TBC1D8: variants seen among roughly 807,000 people sequenced by gnomAD.
TBC1D8 encodes the protein BUB2-like protein 1.
A neutral mutation model predicts 118.8 loss-of-function variants in TBC1D8; 65 were observed. The observed-to-expected ratio is 0.55, with a 90% CI of 0.45 to 0.67. The LOEUF (loss-of-function observed/expected upper bound fraction) is 0.67, where lower values mean the gene tolerates loss of function less well. Among genes scored for constraint, TBC1D8 ranks in the 30% least tolerant of loss-of-function variants. The probability of loss-of-function intolerance (pLI) is 0.00; values close to 1 mark genes in which losing one functional copy is unlikely to be tolerated. For synonymous variants in TBC1D8, 566 were observed against 595.8 expected, an observed-to-expected ratio of 0.95 and a Z score of 0.73; for missense variants, 1,376 against 1,471.2, an observed-to-expected ratio of 0.94 and a Z score of 1.06.
At chr2:101,033,325 G>A (rs1680785873) in intron 10 of TBC1D8, 2 of 648,022 alleles carry the variant, frequency 3.1e-6, no homozygotes, top group East Asian at 2.9e-5. Flanking sequence ...ATGTTGGCCA[G>A]GATGGTCTCG....
chr2:101,032,221 T>C (rs1265602605), intron 11 of TBC1D8, 47 bp downstream of exon 11: 2 of 1,544,376 alleles, frequency 1.3e-6, no homozygotes, highest in Admixed American at 3.5e-5. Context: ...GCCCAGGCTC[T>C]GTCACTCTTC....
intron 2 of TBC1D8, among the ~76,000 whole-genome samples, chr2:101,079,869 G>A (rs561424740): frequency 1.3e-5 from 2 of 151,740 alleles, no homozygotes; most frequent in African/African-American, 4.8e-5. Context: ...TGTATTTTTA[G>A]TAGAGACGGG....
rs561965473 is a variant in TBC1D8 at position 101,027,927 on chromosome 2, T to C, written c.2451+121A>G. Reference sequence around the variant, plus strand: ...CACTACTTCACCCTTAAGTTGTTAATGTAATCCAAAATATATATATACATT... The same window carrying C: ...CACTACTTCACCCTTAAGTTGTTAACGTAATCCAAAATATATATATACATT... On this transcript the variant is annotated intron_variant, in intron 14 of 19. Transcript: ENST00000409318. 1.4e-4 allele frequency: 126 copies of C among 869,296 alleles called. No individual in the cohort carries two copies. The African/African-American group carries it at 1.8e-3, about 12-fold the overall frequency. 53.8% of individuals were successfully genotyped at this position (869,296 alleles called of 1,614,324 possible). A position where few individuals can be genotyped will look rare whatever the true frequency, so the allele number is the denominator to read the frequency against.
chr2:101,072,952 A>G (rs74974915), intron 2 of TBC1D8, among the ~76,000 whole-genome samples: 2,135 of 152,290 alleles, frequency 0.014, 62 homozygotes, highest in African/African-American at 0.049. Flanking sequence ...AAGGGGACAA[A>G]ACACCCAAAT....
intron 5 of TBC1D8, among the ~76,000 whole-genome samples, chr2:101,048,933 CAG>C (rs972773332): frequency 2.0e-5 from 3 of 152,160 alleles, no homozygotes; most frequent in Non-Finnish European, 2.9e-5. Flanking sequence ...TAGCATGGGT[CAG>C]AATTTCCTTC....
chr2:101,016,418 G>T (rs992541999), intron 17 of TBC1D8, among the ~76,000 whole-genome samples: 9 of 152,164 alleles, frequency 5.9e-5, no homozygotes, highest in African/African-American at 1.9e-4. Flanking sequence ...AAAAAGTCAG[G>T]AAACAACAGG....
chr2:101,134,559 C>T (rs1041736704), intron 1 of TBC1D8, among the ~76,000 whole-genome samples: 2 of 152,090 alleles, frequency 1.3e-5, no homozygotes, highest in African/African-American at 4.8e-5. Flanking sequence ...TGAGGGTTCT[C>T]TTCTTGGCTT....
At chr2:101,098,379 C>CAA (rs56957208) in intron 1 of TBC1D8, among the ~76,000 whole-genome samples, 12 of 147,620 alleles carry the variant, frequency 8.1e-5, no homozygotes, top group East Asian at 4.0e-4. Context: ...AACTCCATCT[C>CAA]AAAAAAAAAA....
At chr2:101,057,834 C>T (rs1488317907) in intron 3 of TBC1D8, among the ~76,000 whole-genome samples, 2 of 152,126 alleles carry the variant, frequency 1.3e-5, no homozygotes, top group East Asian at 1.9e-4. Context: ...AAAAAAACAA[C>T]CAACAAAAAT....
intron 2 of TBC1D8, among the ~76,000 whole-genome samples, chr2:101,086,436 C>T (rs1277199227): frequency 6.6e-6 from 1 of 152,164 alleles, no homozygotes; most frequent in African/African-American, 2.4e-5. Flanking sequence ...AATCTGCAGA[C>T]TGCAACAGTA....
At chr2:101,106,246 T>C (rs1677205951) in intron 1 of TBC1D8, among the ~76,000 whole-genome samples, 2 of 152,208 alleles carry the variant, frequency 1.3e-5, no homozygotes, top group Admixed American at 6.5e-5. Flanking sequence ...AGGGGAATTT[T>C]AGGGCAGTGA....
chr2:101,104,651 C>T (rs1358930070), intron 1 of TBC1D8, among the ~76,000 whole-genome samples: 1 of 152,218 alleles, frequency 6.6e-6, no homozygotes, highest in African/African-American at 2.4e-5. Flanking sequence ...CAGACACAGA[C>T]CTTACATCTT....
intron 1 of TBC1D8, among the ~76,000 whole-genome samples, chr2:101,119,651 T>A (rs1370798169): frequency 6.6e-6 from 1 of 152,244 alleles, no homozygotes; most frequent in Non-Finnish European, 1.5e-5. Context: ...CATGACTCAC[T>A]GTGCAGCCAA....
At chr2:101,060,163 C>T (rs1682678884) in intron 2 of TBC1D8, among the ~76,000 whole-genome samples, 1 of 152,240 alleles carries the variant, frequency 6.6e-6, no homozygotes, top group South Asian at 2.1e-4. Context: ...ACCATCTCCA[C>T]TCAAATGACA....
intron 1 of TBC1D8, among the ~76,000 whole-genome samples, chr2:101,111,226 T>C (rs989842727): frequency 2.6e-5 from 4 of 152,224 alleles, no homozygotes; most frequent in Non-Finnish European, 4.4e-5. Context: ...TCACTCTTAA[T>C]GAGAGCTCTT....
chr2:101,044,874 G>C (rs1483982539), intron 5 of TBC1D8, among the ~76,000 whole-genome samples: 1 of 152,160 alleles, frequency 6.6e-6, no homozygotes, highest in Non-Finnish European at 1.5e-5. Context: ...TCAGCCTCCT[G>C]AGTAGCTGGG....
chr2:101,018,147 T>C, intron 17 of TBC1D8: 1 of 508,108 alleles, frequency 2.0e-6, no homozygotes, highest in Non-Finnish European at 3.6e-6. Context: ...CTTTCCCTCA[T>C]TCATACAGAT....
At chr2:101,138,466 G>A (rs866839165) in intron 1 of TBC1D8, among the ~76,000 whole-genome samples, 6 of 152,082 alleles carry the variant, frequency 3.9e-5, no homozygotes, top group African/African-American at 9.6e-5. Context: ...TTAAAGGCTC[G>A]GTCCCACGAG....
intron 2 of TBC1D8, among the ~76,000 whole-genome samples, chr2:101,080,645 C>T (rs1675201598): frequency 6.6e-6 from 1 of 152,154 alleles, no homozygotes; most frequent in Non-Finnish European, 1.5e-5. Flanking sequence ...TGGCAAGTCC[C>T]TGAGCTCCCT....
Sources: allele counts gnomAD v4.1 joint callset (sites outside exome capture counted in the v4.1 genomes callset), GRCh38; gene constraint gnomAD v4.1.1; transcripts MANE v1.5; gene names NCBI Gene and HGNC (gene_info 2026-07-23, HGNC 2026-07-21).